Variants in CEP120 observed in about 807,000 individuals in gnomAD.
CEP120 encodes centrosomal protein 120.
CEP120 carries 113 observed loss-of-function variants against 126.5 expected under a neutral mutation model. The ratio of observed to expected loss-of-function variants is 0.89; its 90% CI spans 0.77 to 1.04. The LOEUF (loss-of-function observed/expected upper bound fraction) is 1.04, where lower values mean the gene tolerates loss of function less well. CEP120 is among the 50% of genes least tolerant of loss of function. The pLI, the probability that CEP120 is intolerant of heterozygous loss-of-function variation, is 0.00. For synonymous variants in CEP120, 400 were observed against 394.3 expected (o/e 1.01, Z -0.17); for missense variants, 1,230 against 1,155.7 (o/e 1.06, Z -0.93).
chr5:123,390,104 G>A lies in CEP120; in HGVS notation c.1075C>T (p.Pro359Ser). 2 of 1,613,640 alleles carry A rather than the reference G, an allele frequency of 1.2e-6. No individual in the cohort carries two copies. The highest frequency in any genetic ancestry group is 1.3e-5 in the African/African-American group (1 of 74,954). Residue 359 changes from proline (P) to serine (S), a missense_variant, in exon 8 of 20, where the codon CCA becomes TCA. Transcript: ENST00000306467. ...IELKTQNEHE[P>S]EHSKKKVLTP... is the part of the protein sequence containing the mutation. The stretch of plus-strand genomic sequence containing the variant: ...AAAACTTTCTTCTTTGAATGCTCTG[G>A]CTCATGTTCATTCTGGGTCTTTAAT...
chr5:123,364,353 CAT>C (rs1474869502), intron 18 of CEP120, 141 bp downstream of exon 18: 3 of 391,078 alleles, frequency 7.7e-6, no homozygotes, highest in Non-Finnish European at 1.4e-5. Flanking sequence ...GCCTTTATAA[CAT>C]ATTTTTATAA....
At chr5:123,398,387 C>T (rs1772944563) in intron 5 of CEP120, among the ~76,000 whole-genome samples, 1 of 152,160 alleles carries the variant, frequency 6.6e-6, no homozygotes, top group South Asian at 2.1e-4. Context: ...GCCCAGACCA[C>T]TCTTTTACTC....
chr5:123,376,597 G>C (rs190483917), intron 16 of CEP120, among the ~76,000 whole-genome samples: 8 of 152,016 alleles, frequency 5.3e-5, no homozygotes, highest in Admixed American at 2.0e-4. Context: ...CAGATTAGAG[G>C]GGCCCATCAC....
At chr5:123,407,260 T>C (rs2127113974) in intron 4 of CEP120, among the ~76,000 whole-genome samples, 1 of 152,232 alleles carries the variant, frequency 6.6e-6, no homozygotes, top group South Asian at 2.1e-4. Flanking sequence ...CATGCAACTA[T>C]ATTAATAATC....
At chr5:123,418,835 G>A (rs1361718364) in intron 1 of CEP120, among the ~76,000 whole-genome samples, 1 of 151,932 alleles carries the variant, frequency 6.6e-6, no homozygotes, top group Non-Finnish European at 1.5e-5. Context: ...TACCTGCCTC[G>A]GCCTCCCAAA....
At chr5:123,392,526 TTTGAGACAGAGTC>T (rs1772472887) in intron 6 of CEP120, among the ~76,000 whole-genome samples, 1 of 152,202 alleles carries the variant, frequency 6.6e-6, no homozygotes, top group African/African-American at 2.4e-5. Context: ...TTATCTTTTT[TTTGAGACAGAGTC>T]TTGCTCTGCT....
At chr5:123,355,013 C>T (rs1334437590) in intron 18 of CEP120, among the ~76,000 whole-genome samples, 3 of 151,178 alleles carry the variant, frequency 2.0e-5, no homozygotes, top group African/African-American at 7.3e-5. Flanking sequence ...TCAATTCCCA[C>T]CTATGAGTGA....
chr5:123,416,441 C>A (rs146030578), intron 2 of CEP120, among the ~76,000 whole-genome samples: 1 of 151,746 alleles, frequency 6.6e-6, no homozygotes, highest in Non-Finnish European at 1.5e-5. Context: ...TGTGGTGCCA[C>A]GCGCCTGTAA....
At chr5:123,390,614 G>C (rs1481643928) in intron 7 of CEP120, among the ~76,000 whole-genome samples, 1 of 151,910 alleles carries the variant, frequency 6.6e-6, no homozygotes, top group Non-Finnish European at 1.5e-5. Flanking sequence ...CTTTTTGAAA[G>C]AACAAGATAA....
At chr5:123,381,444 A>G (rs2127045489) in intron 14 of CEP120, among the ~76,000 whole-genome samples, 1 of 152,236 alleles carries the variant, frequency 6.6e-6, no homozygotes, top group East Asian at 1.9e-4. Context: ...ACCACTAATA[A>G]GAGTATTTCT....
At chr5:123,384,750 G>A (rs1478848061) in intron 11 of CEP120, among the ~76,000 whole-genome samples, 2 of 152,114 alleles carry the variant, frequency 1.3e-5, no homozygotes, top group Non-Finnish European at 2.9e-5. Flanking sequence ...TCTGTGAGGT[G>A]AAATCAGTAT....
In CEP120 at chr5:123,378,292, A is replaced by T; in HGVS notation, c.2196+44T>A. ...AAAATAGTATTTCTACTTTGCAATA[A>T]ACCCCTCTATGCTGAAAAAAAATAC... On this transcript the variant is annotated intron_variant, in intron 15 of 19. Transcript: ENST00000306467. 2.8e-6 allele frequency: 4 copies of T among 1,428,466 alleles called. No homozygotes were observed. The South Asian group carries it at 5.0e-5, about 18-fold the overall frequency. The allele number at this position is 1,428,466 out of a possible 1,614,324, so 88.5% of individuals were successfully genotyped here.
At chr5:123,390,215 T>C (rs969831023) in intron 7 of CEP120, 75 bp from the exon 8 acceptor site, 2 of 1,090,466 alleles carry the variant, frequency 1.8e-6, no homozygotes, top group Non-Finnish European at 1.3e-6. Context: ...CTTGGCATTG[T>C]TTTTTAAAAA....
rs1177124101 is a variant in CEP120 at position 123,345,672 on chromosome 5, G to A, written c.*847C>T. On this transcript the variant is annotated 3_prime_UTR_variant, in exon 20 of 20. Transcript: ENST00000306467. ...TTGAAAACGATTGATTGAAATTAGC[G>A]GGAGTAAAAAATAGTTGATTTTCAC... 2 of 151,984 alleles carry A rather than the reference G, an allele frequency of 1.3e-5. No homozygotes were observed. Among genetic ancestry groups the A allele is most frequent in the Non-Finnish European group, 2.9e-5 (2 of 67,994 alleles). The allele number at this position is 151,984 out of a possible 1,614,324, so 9.4% of individuals were successfully genotyped here.
intron 5 of CEP120, 88 bp downstream of exon 5, chr5:123,399,048 T>C (rs1209352205): frequency 8.8e-6 from 9 of 1,017,760 alleles, no homozygotes; most frequent in African/African-American, 1.6e-5. Context: ...AAAAGTCTAC[T>C]TGCAAGTCTT....
At chr5:123,379,867 C>T (rs1771518994) in intron 14 of CEP120, among the ~76,000 whole-genome samples, 1 of 152,068 alleles carries the variant, frequency 6.6e-6, no homozygotes. Flanking sequence ...TGGCAATATC[C>T]ACTAATCTTC....
chr5:123,388,381 A>C (rs1393143189), intron 9 of CEP120, 51 bp downstream of exon 9: 4 of 1,281,758 alleles, frequency 3.1e-6, no homozygotes, highest in Non-Finnish European at 4.2e-6. Flanking sequence ...CAAACACAGG[A>C]AAGTCCTTTC....
At chr5:123,386,163 C>T (rs1459107308) in intron 10 of CEP120, among the ~76,000 whole-genome samples, 1 of 151,976 alleles carries the variant, frequency 6.6e-6, no homozygotes, top group Non-Finnish European at 1.5e-5. Flanking sequence ...AGTGAATCAA[C>T]AATAAAAAGT....
chr5:123,386,520 T>C lies in CEP120; in HGVS notation c.1578A>G (p.Leu526=). The C allele has an allele frequency of 1.9e-6, 3 of 1,560,228 alleles. No individual in the cohort carries two copies. The highest frequency in any genetic ancestry group is 2.6e-6 in the Non-Finnish European group (3 of 1,158,080). The stretch of plus-strand genomic sequence containing the variant: ...CATACATACACTGTATGCATTACCT[T>C]AAGAAGGTGTCTTGCAGCTGATGAG... ...TMPHQLQDTF[L]RIPLLVELWH... The change falls in exon 10 of 20, where the codon TTA becomes TTG. Residue 526 remains leucine (L), a splice_region_variant and synonymous_variant. Coordinates refer to ENST00000306467, the MANE Select transcript of CEP120 (RefSeq NM_001375405.1).
Sources: allele counts gnomAD v4.1 joint callset (sites outside exome capture counted in the v4.1 genomes callset), GRCh38; gene constraint gnomAD v4.1.1; transcripts MANE v1.5; gene names NCBI Gene and HGNC (gene_info 2026-07-23, HGNC 2026-07-21).